The following WDR72 variants were observed in gnomAD, a reference collection of about 807,000 sequenced individuals.
WDR72 encodes the protein WD repeat-containing protein 72.
A neutral mutation model predicts 124.2 loss-of-function variants in WDR72; 120 were observed. The ratio of observed to expected loss-of-function variants is 0.97; its 90% CI spans 0.83 to 1.12. The LOEUF is 1.12. WDR72 is among the 50% of genes most tolerant of loss of function. The probability of loss-of-function intolerance (pLI) is 0.00; values close to 1 mark genes in which losing one functional copy is unlikely to be tolerated. For synonymous variants in WDR72, 452 were observed against 441.7 expected (o/e 1.02, Z -0.29); for missense variants, 1,387 against 1,278.8 (o/e 1.08, Z -1.29).
intron 18 of WDR72, among the ~76,000 whole-genome samples, chr15:53,546,017 G>C (rs2140270084): frequency 7.3e-6 from 1 of 137,216 alleles, no homozygotes; most frequent in Middle Eastern, 3.6e-3. Context: ...GGAAACAACA[G>C]GTGCTGGAGA....
At chr15:53,712,550 G>A (rs2017572263) in intron 7 of WDR72, among the ~76,000 whole-genome samples, 2 of 151,698 alleles carry the variant, frequency 1.3e-5, no homozygotes, top group African/African-American at 2.4e-5. Flanking sequence ...AGCTGAGATC[G>A]TGCCGCTGCA....
chr15:53,663,818 C>T (rs188836936), intron 14 of WDR72, among the ~76,000 whole-genome samples: 207 of 152,160 alleles, frequency 1.4e-3, no homozygotes, highest in Middle Eastern at 0.01. Context: ...CTTATGATAC[C>T]TAAGACTGTC....
intron 14 of WDR72, among the ~76,000 whole-genome samples, chr15:53,636,577 T>A (rs2014632322): frequency 6.6e-6 from 1 of 152,194 alleles, no homozygotes; most frequent in East Asian, 1.9e-4. Flanking sequence ...AGCTTTGAGA[T>A]AAGATAGTTT....
At chr15:53,633,232 G>A (rs909072044) in intron 14 of WDR72, among the ~76,000 whole-genome samples, 2 of 152,196 alleles carry the variant, frequency 1.3e-5, no homozygotes, top group African/African-American at 4.8e-5. Context: ...ACTGTACAGT[G>A]AGTGCATTCT....
At chr15:53,690,232 A>C (rs1200971335) in intron 13 of WDR72, among the ~76,000 whole-genome samples, 2 of 151,914 alleles carry the variant, frequency 1.3e-5, no homozygotes, top group African/African-American at 2.4e-5. Context: ...AAGAAAAAAA[A>C]CTTAAAAAAA....
intron 16 of WDR72, among the ~76,000 whole-genome samples, chr15:53,612,274 C>T (rs1906400): frequency 0.3 from 45,060 of 152,076 alleles, 8,174 homozygotes; most frequent in Middle Eastern, 0.54. Flanking sequence ...ATAAAACTGT[C>T]ACAAAAATAT....
chr15:53,563,916 C>T (rs1369118595), intron 18 of WDR72, among the ~76,000 whole-genome samples: 1 of 151,772 alleles, frequency 6.6e-6, no homozygotes, highest in African/African-American at 2.4e-5. Flanking sequence ...GTAAAAGCCG[C>T]TATGCTGTTC....
intron 7 of WDR72, among the ~76,000 whole-genome samples, chr15:53,712,336 G>A (rs987005802): frequency 6.6e-5 from 10 of 152,094 alleles, no homozygotes; most frequent in Admixed American, 5.9e-4. Flanking sequence ...AGTGGCTCAC[G>A]CCTGTAATCC....
chr15:53,593,851 A>G (rs553931029), intron 18 of WDR72, among the ~76,000 whole-genome samples: 1 of 152,256 alleles, frequency 6.6e-6, no homozygotes, highest in East Asian at 1.9e-4. Flanking sequence ...ATGATAAAAA[A>G]TATAAAATTA....
intron 18 of WDR72, among the ~76,000 whole-genome samples, chr15:53,561,196 G>T (rs1457605958): frequency 6.6e-6 from 1 of 151,658 alleles, no homozygotes; most frequent in African/African-American, 2.4e-5. Flanking sequence ...AATTAATTCT[G>T]GTAAGGATAT....
chr15:53,674,126 T>C (rs760093618), intron 13 of WDR72, among the ~76,000 whole-genome samples: 80 of 152,224 alleles, frequency 5.3e-4, no homozygotes, highest in African/African-American at 1.9e-3. Flanking sequence ...ATTAGGTCTT[T>C]TCCATATTGG....
At chr15:53,668,458 T>C (rs865982782) in intron 13 of WDR72, among the ~76,000 whole-genome samples, 2 of 152,256 alleles carry the variant, frequency 1.3e-5, no homozygotes, top group Non-Finnish European at 2.9e-5. Context: ...GTGCTAGTTA[T>C]CAATTTATTA....
rs115355879 is a variant in WDR72 at position 53,566,226 on chromosome 15, A to T, written c.3148+30853T>A. Among the ~76,000 whole-genome samples, 1,448 of 152,088 alleles carry T rather than the reference A, an allele frequency of 9.5e-3. 33 individuals are homozygous for T. The highest frequency in any genetic ancestry group is 0.034 in the African/African-American group (1,396 of 41,536). On this transcript the variant is annotated intron_variant, in intron 18 of 19. Coordinates refer to ENST00000360509, the MANE Select transcript of WDR72 (RefSeq NM_182758.4). ...CTCATAGTTAATTACTTGTCCAAGT[A>T]CATGCTGGTAGTAGCACATGGCAAA...
intron 1 of WDR72, among the ~76,000 whole-genome samples, chr15:53,758,890 A>G (rs1187389252): frequency 6.6e-6 from 1 of 151,838 alleles, no homozygotes; most frequent in Non-Finnish European, 1.5e-5. Flanking sequence ...AGTGGGGAAG[A>G]TGGTATAAGT....
chr15:53,559,821 C>A (rs920033080), intron 18 of WDR72, among the ~76,000 whole-genome samples: 3 of 151,990 alleles, frequency 2.0e-5, no homozygotes, highest in African/African-American at 4.8e-5. Context: ...ACAGCTTATT[C>A]ATTGAGCAAG....
At chr15:53,704,482 T>G (rs555378062) in intron 11 of WDR72, among the ~76,000 whole-genome samples, 1 of 151,762 alleles carries the variant, frequency 6.6e-6, no homozygotes, top group Admixed American at 6.6e-5. Flanking sequence ...GAAAAAATCA[T>G]TTCTTATTGT....
intron 13 of WDR72, among the ~76,000 whole-genome samples, chr15:53,678,915 C>G (rs146276284): frequency 2.0e-4 from 30 of 152,292 alleles, no homozygotes; most frequent in African/African-American, 6.0e-4. Flanking sequence ...AAGTGTCCAT[C>G]AAATAATGAA....
intron 18 of WDR72, among the ~76,000 whole-genome samples, chr15:53,578,813 C>G (rs528623762): frequency 1.3e-5 from 2 of 152,060 alleles, no homozygotes; most frequent in Non-Finnish European, 2.9e-5. Flanking sequence ...TGGTTAACTA[C>G]CTGGATTCCC....
Position 53,616,210 on chromosome 15 carries a change from TA to T in WDR72, c.1995del (p.Phe665LeufsTer6). ...VTDAKFCPRP[F>X]NVLPVKTKWS... ...CATTTTGTCTTCACAGGCAAGACAT[TA>T]AAAGGTCTTGGGCAAAATTTGGCAT... On this transcript the variant is annotated frameshift_variant, in exon 15 of 20. Coordinates refer to ENST00000360509, the MANE Select transcript of WDR72 (RefSeq NM_182758.4). LOFTEE classifies it high-confidence loss of function. The T allele has an allele frequency of 6.2e-7, 1 of 1,603,768 alleles. No individual in the cohort carries two copies.
Sources: allele counts gnomAD v4.1 joint callset (sites outside exome capture counted in the v4.1 genomes callset), GRCh38; gene constraint gnomAD v4.1.1; transcripts MANE v1.5; gene names NCBI Gene and HGNC (gene_info 2026-07-23, HGNC 2026-07-21).